LMX1A: variants seen among roughly 807,000 people sequenced by gnomAD.
LMX1A encodes the protein LIM homeobox transcription factor 1 alpha.
Under a neutral mutation model 49.1 loss-of-function variants are expected in LMX1A, and 15 were observed. That is an observed-to-expected ratio of 0.31 (90% CI 0.20 to 0.47). The LOEUF is 0.47. Ranked by LOEUF, LMX1A falls within the 20% of genes least tolerant of loss-of-function variation. LMX1A has a pLI of 1.00. For synonymous variants in LMX1A, 167 were observed against 185.7 expected, an observed-to-expected ratio of 0.90 and a Z score of 0.82; for missense variants, 372 against 475.8, an observed-to-expected ratio of 0.78 and a Z score of 2.03.
intron 3 of LMX1A, among the ~76,000 whole-genome samples, chr1:165,332,464 A>G (rs1053271196): frequency 1.1e-4 from 17 of 152,306 alleles, no homozygotes; most frequent in Admixed American, 1.1e-3. Flanking sequence ...CTATTACACT[A>G]TATATAACAT....
At chr1:165,207,994 A>C in intron 7 of LMX1A, 69 bp downstream of exon 7, 5 of 1,274,940 alleles carry the variant, frequency 3.9e-6, no homozygotes, top group Non-Finnish European at 5.7e-6. Flanking sequence ...AGAGCTGGGT[A>C]GTGGGAGGCC....
chr1:165,274,740 G>A (rs1653911076), intron 3 of LMX1A, among the ~76,000 whole-genome samples: 1 of 152,182 alleles, frequency 6.6e-6, no homozygotes, highest in African/African-American at 2.4e-5. Flanking sequence ...GGTCACGGAT[G>A]TAACGTGCCA....
intron 3 of LMX1A, among the ~76,000 whole-genome samples, chr1:165,285,633 C>T (rs913881615): frequency 1.3e-5 from 2 of 152,210 alleles, no homozygotes; most frequent in Non-Finnish European, 1.5e-5. Context: ...TCACCATCTC[C>T]ACTGAGGAAC....
chr1:165,294,246 A>G (rs992415227), intron 3 of LMX1A, among the ~76,000 whole-genome samples: 6 of 150,890 alleles, frequency 4.0e-5, no homozygotes, highest in Non-Finnish European at 8.8e-5. Context: ...TTACGAGCCC[A>G]GGCTCTTTCA....
intron 3 of LMX1A, among the ~76,000 whole-genome samples, chr1:165,342,426 A>G (rs765635170): frequency 6.6e-6 from 1 of 152,138 alleles, no homozygotes; most frequent in Non-Finnish European, 1.5e-5. Context: ...CCCAGGACAA[A>G]AGTCACCAAT....
At chr1:165,205,804 G>C in intron 8 of LMX1A, 60 bp downstream of exon 8, 1 of 1,525,214 alleles carries the variant, frequency 6.6e-7, no homozygotes, top group Non-Finnish European at 9.1e-7. Context: ...ATGTGTTTAG[G>C]AGGGAATGAG....
intron 4 of LMX1A, among the ~76,000 whole-genome samples, chr1:165,221,874 T>G (rs927823488): frequency 6.6e-6 from 1 of 150,982 alleles, no homozygotes; most frequent in Non-Finnish European, 1.5e-5. Context: ...GGATAGATCT[T>G]AAGCTAACAC....
At chr1:165,298,528 T>C (rs563711928) in intron 3 of LMX1A, among the ~76,000 whole-genome samples, 24 of 152,264 alleles carry the variant, frequency 1.6e-4, no homozygotes, top group African/African-American at 5.5e-4. Flanking sequence ...GGGAATGATA[T>C]TTTACCTGCC....
At chr1:165,269,876 C>T (rs551163092) in intron 3 of LMX1A, among the ~76,000 whole-genome samples, 1 of 152,032 alleles carries the variant, frequency 6.6e-6, no homozygotes, top group East Asian at 1.9e-4. Context: ...GGGAACAACA[C>T]TTACTGGGGC....
At chr1:165,335,253 A>G (rs1277194790) in intron 3 of LMX1A, among the ~76,000 whole-genome samples, 1 of 152,214 alleles carries the variant, frequency 6.6e-6, no homozygotes, top group African/African-American at 2.4e-5. Context: ...GAGAAACTGT[A>G]TATGATTTTC....
At chr1:165,228,538 C>T (rs1652124567) in intron 4 of LMX1A, among the ~76,000 whole-genome samples, 1 of 152,202 alleles carries the variant, frequency 6.6e-6, no homozygotes, top group Non-Finnish European at 1.5e-5. Context: ...CAAAGGATTT[C>T]ACAGGTTGGG....
At chr1:165,350,173 CAA>C (rs60150264) in intron 3 of LMX1A, among the ~76,000 whole-genome samples, 3,892 of 80,398 alleles carry the variant, frequency 0.048, 84 homozygotes, top group African/African-American at 0.13. Context: ...AAAGATCCAC[CAA>C]AAAAAAAAAA....
chr1:165,214,178 C>T (rs1041887536), intron 4 of LMX1A, among the ~76,000 whole-genome samples: 8 of 152,230 alleles, frequency 5.3e-5, no homozygotes, highest in South Asian at 2.1e-4. Flanking sequence ...ATCATGGGGG[C>T]GGTTTCCCCC....
At chr1:165,232,824 T>C (rs1652281593) in intron 4 of LMX1A, among the ~76,000 whole-genome samples, 1 of 152,158 alleles carries the variant, frequency 6.6e-6, no homozygotes, top group African/African-American at 2.4e-5. Flanking sequence ...AAAAGCTAGC[T>C]GTGACTCCTT....
chr1:165,254,780 G>C (rs537624342), intron 3 of LMX1A, among the ~76,000 whole-genome samples: 11 of 152,322 alleles, frequency 7.2e-5, no homozygotes, highest in Admixed American at 7.2e-4. Context: ...TGAGGGTTCA[G>C]AGCCTGGCAG....
At chr1:165,247,054 C>CTTTTTTTTTCTTTTTTTT (rs1652876638) in intron 4 of LMX1A, among the ~76,000 whole-genome samples, 8 of 53,228 alleles carry the variant, frequency 1.5e-4, no homozygotes, top group African/African-American at 5.7e-4. Context: ...TCAGCTTTTT[C>CTTTTTTTTTCTTTTTTTT]TTTTTTTTTT....
chr1:165,270,489 A>G (rs1272541849), intron 3 of LMX1A, among the ~76,000 whole-genome samples: 4 of 152,240 alleles, frequency 2.6e-5, no homozygotes, highest in Admixed American at 6.5e-5. Flanking sequence ...TTATATGTTC[A>G]GACAAGCCAA....
At chr1:165,248,649 T>C (rs1164449343) in intron 4 of LMX1A, among the ~76,000 whole-genome samples, 2 of 152,140 alleles carry the variant, frequency 1.3e-5, no homozygotes, top group Non-Finnish European at 2.9e-5. Context: ...AACGAAATCA[T>C]TCTAGTGCCT....
chr1:165,270,382 C>T (rs894234397), intron 3 of LMX1A, among the ~76,000 whole-genome samples: 2 of 152,166 alleles, frequency 1.3e-5, no homozygotes, highest in African/African-American at 4.8e-5. Context: ...AATTTGGAGA[C>T]TCAGGAAACT....
Sources: gnomAD v4.1 joint callset for allele counts (sites outside exome capture counted in the v4.1 genomes callset) on GRCh38, gnomAD v4.1.1 for gene constraint, MANE v1.5 for transcripts, NCBI Gene and HGNC (gene_info 2026-07-23, HGNC 2026-07-21) for gene names.